THSD7A: variants seen among roughly 807,000 people sequenced by gnomAD.
THSD7A encodes thrombospondin type 1 domain containing 7A.
Under a neutral mutation model 231.3 loss-of-function variants are expected in THSD7A, and 96 were observed. The observed-to-expected ratio is 0.41, with a 90% CI of 0.35 to 0.49. The LOEUF is 0.49. Among genes scored for constraint, THSD7A ranks in the 20% least tolerant of loss-of-function variants. The pLI, the probability that THSD7A is intolerant of heterozygous loss-of-function variation, is 0.05. For synonymous variants in THSD7A, 940 were observed against 743.3 expected, an observed-to-expected ratio of 1.26 and a Z score of -4.30; for missense variants, 2,290 against 2,070.2, an observed-to-expected ratio of 1.11 and a Z score of -2.06.
chr7:11,445,299 A>AAGAC (rs1784931413), intron 13 of THSD7A, among the ~76,000 whole-genome samples: 2 of 152,078 alleles, frequency 1.3e-5, no homozygotes, highest in Admixed American at 1.3e-4. Flanking sequence ...CCATTATAAA[A>AAGAC]AGACAGATGT....
chr7:11,516,975 T>C (rs933633040), intron 6 of THSD7A, among the ~76,000 whole-genome samples: 1 of 152,212 alleles, frequency 6.6e-6, no homozygotes, highest in Non-Finnish European at 1.5e-5. Context: ...AAAATAATAG[T>C]ATTTTTCCTA....
At chr7:11,449,059 G>C (rs892793928) in intron 11 of THSD7A, among the ~76,000 whole-genome samples, 2 of 152,052 alleles carry the variant, frequency 1.3e-5, no homozygotes, top group Non-Finnish European at 2.9e-5. Context: ...GTCTAAGATG[G>C]TGGTTCTCAT....
intron 1 of THSD7A, among the ~76,000 whole-genome samples, chr7:11,655,871 T>C (rs1284680433): frequency 1.3e-5 from 2 of 151,882 alleles, no homozygotes; most frequent in Non-Finnish European, 2.9e-5. Flanking sequence ...GTTTGCATAA[T>C]TGCTTGGGCA....
rs768350589 is a variant in THSD7A at position 11,820,174 on chromosome 7, C to T, written c.190+11583G>A. ...GGAAGGCAGCGCCAGGGATGCCTCC[C>T]GCGGTAGTACAATCTGCATGGCTGG... On this transcript the variant is annotated intron_variant, in intron 1 of 27. Coordinates refer to ENST00000423059, the MANE Select transcript of THSD7A (RefSeq NM_015204.3). 80 of 295,592 alleles carry T rather than the reference C, an allele frequency of 2.7e-4. 1 individual carries two copies. Among genetic ancestry groups the T allele is most frequent in the African/African-American group, 1.5e-3 (69 of 45,920 alleles). The allele number at this position is 295,592 out of a possible 1,614,324, so 18.3% of individuals were successfully genotyped here.
intron 6 of THSD7A, among the ~76,000 whole-genome samples, chr7:11,496,739 A>T (rs1392011419): frequency 6.6e-6 from 1 of 152,190 alleles, no homozygotes; most frequent in African/African-American, 2.4e-5. Context: ...ATACAGATGA[A>T]ATATAAAAGT....
At chr7:11,750,637 G>T (rs1583256037) in intron 1 of THSD7A, among the ~76,000 whole-genome samples, 1 of 151,952 alleles carries the variant, frequency 6.6e-6, no homozygotes, top group Admixed American at 6.6e-5. Flanking sequence ...CGTGGCGCAG[G>T]TTGTCTGCAC....
At chr7:11,769,704 CT>C (rs1783163187) in intron 1 of THSD7A, among the ~76,000 whole-genome samples, 1 of 152,022 alleles carries the variant, frequency 6.6e-6, no homozygotes, top group South Asian at 2.1e-4. Context: ...CTACCTGAAG[CT>C]TTTCCTTCTA....
intron 16 of THSD7A, among the ~76,000 whole-genome samples, chr7:11,419,831 G>C (rs761992093): frequency 8.5e-5 from 13 of 152,230 alleles, no homozygotes; most frequent in Non-Finnish European, 1.3e-4. Flanking sequence ...AGCTTATTGG[G>C]AAGTGGAGTA....
rs1781843068 is a variant in THSD7A, at chr7:11,636,306, T to G, written c.846A>C (p.Glu282Asp). The change falls in exon 2 of 28, where the codon GAA becomes GAC. Residue 282 changes from glutamate to aspartate, a missense_variant. Physicochemically the swap from Glu to Asp is conservative, Grantham distance 45. Transcript: ENST00000423059. This position sits in a 1 kb window ranked among gnomAD's most constrained non-coding sequence, Gnocchi z 10.0. ...RQARRRGKNK[E>D]REKDRSKGVK... ...CTCCTTTGCTGCGGTCCTTTTCCCGTTCTTTATTCTTCCCGCGTCTCCTTG... is the reference window on the plus strand; with the variant it reads ...CTCCTTTGCTGCGGTCCTTTTCCCGGTCTTTATTCTTCCCGCGTCTCCTTG... 5 of 1,613,830 alleles carry G rather than the reference T, an allele frequency of 3.1e-6. No individual in the cohort carries two copies. In the African/African-American group the frequency reaches 6.7e-5, roughly 22 times the overall value.
chr7:11,687,439 C>G (rs1780093079), intron 1 of THSD7A, among the ~76,000 whole-genome samples: 1 of 151,892 alleles, frequency 6.6e-6, no homozygotes, highest in African/African-American at 2.4e-5. Context: ...CACACACACT[C>G]ACACGTGGCT....
chr7:11,576,892 T>A (rs770647312), intron 4 of THSD7A, among the ~76,000 whole-genome samples: 48 of 152,192 alleles, frequency 3.2e-4, no homozygotes, highest in Non-Finnish European at 5.4e-4. Context: ...TCTGATGATT[T>A]TGATAAACTT....
intron 2 of THSD7A, among the ~76,000 whole-genome samples, chr7:11,607,946 A>C (rs905755421): frequency 1.3e-5 from 2 of 152,182 alleles, no homozygotes; most frequent in Non-Finnish European, 2.9e-5. Flanking sequence ...GGATATCAGC[A>C]TGGCACATAT....
intron 18 of THSD7A, 36 bp downstream of exon 18, chr7:11,412,620 G>T: frequency 1.9e-6 from 3 of 1,611,678 alleles, no homozygotes; most frequent in Non-Finnish European, 2.5e-6. Flanking sequence ...CACAGGATTT[G>T]GACTTAACTC....
chr7:11,560,866 G>C (rs536287937), intron 4 of THSD7A, among the ~76,000 whole-genome samples: 1 of 152,118 alleles, frequency 6.6e-6, no homozygotes, highest in East Asian at 1.9e-4. Flanking sequence ...CAAAAGTTTA[G>C]AAGAGGGTTT....
chr7:11,640,969 G>A (rs1264521372), intron 1 of THSD7A, among the ~76,000 whole-genome samples: 2 of 152,042 alleles, frequency 1.3e-5, no homozygotes, highest in East Asian at 1.9e-4. Context: ...TAATCACCTA[G>A]TTCTTTATTG....
At chr7:11,410,432 T>G (rs1783743243) in intron 19 of THSD7A, 1 of 152,214 alleles carries the variant, frequency 6.6e-6, no homozygotes, top group Non-Finnish European at 1.5e-5. Context: ...AAACCACTTC[T>G]ACTCTATTCC....
At chr7:11,645,995 T>C (rs750907529) in intron 1 of THSD7A, among the ~76,000 whole-genome samples, 73 of 152,054 alleles carry the variant, frequency 4.8e-4, no homozygotes, top group Middle Eastern at 3.4e-3. Flanking sequence ...AGTTCCCAAT[T>C]TTTGAGTAAA....
chr7:11,559,007 A>G (rs971321794), intron 4 of THSD7A, among the ~76,000 whole-genome samples: 1 of 152,196 alleles, frequency 6.6e-6, no homozygotes, highest in Non-Finnish European at 1.5e-5. Context: ...ATATCCAAGC[A>G]TAAAAGGTAC....
At chr7:11,595,855 G>A (rs944099030) in intron 2 of THSD7A, among the ~76,000 whole-genome samples, 2 of 152,230 alleles carry the variant, frequency 1.3e-5, no homozygotes, top group Non-Finnish European at 2.9e-5. Flanking sequence ...AAGGCAAGGC[G>A]GGCATAGCTA....
Sources: allele counts gnomAD v4.1 joint callset (sites outside exome capture counted in the v4.1 genomes callset), GRCh38; gene constraint gnomAD v4.1.1; non-coding constraint Gnocchi (gnomAD v3.1); transcripts MANE v1.5; gene names NCBI Gene and HGNC (gene_info 2026-07-23, HGNC 2026-07-21).